CLTCL1: variants seen among roughly 807,000 people sequenced by gnomAD.
The protein encoded by CLTCL1 is clathrin heavy chain like 1.
In CLTCL1, 159 loss-of-function variants were observed where a neutral mutation model predicts 190.0. The ratio of observed to expected loss-of-function variants is 0.84; its 90% CI spans 0.74 to 0.95. The LOEUF (loss-of-function observed/expected upper bound fraction) is 0.95, where lower values mean the gene tolerates loss of function less well. CLTCL1 is among the 40% of genes least tolerant of loss of function. CLTCL1 has a pLI of 0.00. For synonymous variants in CLTCL1, 752 were observed against 769.6 expected (o/e 0.98, Z 0.38); for missense variants, 1,878 against 2,033.4 (o/e 0.92, Z 1.47).
intron 26 of CLTCL1, among the ~76,000 whole-genome samples, chr22:19,193,427 G>A (rs949053382): frequency 9.2e-5 from 14 of 152,120 alleles, no homozygotes; most frequent in South Asian, 4.1e-4. Context: ...CCTCTGGAGC[G>A]TCCTCCAGAT....
chr22:19,289,404 T>C (rs1339220588), intron 1 of CLTCL1, among the ~76,000 whole-genome samples: 1 of 152,206 alleles, frequency 6.6e-6, no homozygotes, highest in Non-Finnish European at 1.5e-5. Flanking sequence ...AGAGACAGAA[T>C]GTGGCCCTTA....
At chr22:19,239,487 TG>T (rs1242924231) in intron 4 of CLTCL1, 99 bp from the exon 5 acceptor site, 3 of 826,814 alleles carry the variant, frequency 3.6e-6, no homozygotes, top group Non-Finnish European at 6.3e-6. Flanking sequence ...CTCCACACAC[TG>T]GATGATTAAC....
intron 27 of CLTCL1, among the ~76,000 whole-genome samples, chr22:19,189,532 A>G (rs1467352334): frequency 1.3e-5 from 2 of 152,214 alleles, no homozygotes; most frequent in Non-Finnish European, 2.9e-5. Context: ...GCTCATCCCT[A>G]AGAAGCAGCT....
Position 19,222,692 on chromosome 22 carries a change from C to A in CLTCL1, c.2410G>T (p.Val804Leu), listed in dbSNP as rs782682932. 1 of 1,590,606 alleles carries A rather than the reference C, an allele frequency of 6.3e-7. No homozygotes were observed. Among genetic ancestry groups the A allele is most frequent in the Non-Finnish European group, 8.6e-7 (1 of 1,168,424 alleles). Residue 804 changes from valine to leucine, a missense_variant, in exon 15 of 33, where the codon GTG becomes TTG. Val to Leu is a conservative substitution (Grantham distance 32). Coordinates refer to ENST00000427926, the MANE Select transcript of CLTCL1 (RefSeq NM_007098.4). Reference protein sequence around the residue: ...NNLQRYIEIYVQKVNPSRTPA... With the variant: ...NNLQRYIEIYLQKVNPSRTPA... ...CAGGGAGCCAGCAGTACCTTCTGCACGTAGATCTCAATGTACCTCTGCAGG... is the reference window on the plus strand; with the variant it reads ...CAGGGAGCCAGCAGTACCTTCTGCAAGTAGATCTCAATGTACCTCTGCAGG...
chr22:19,223,811 C>T, intron 14 of CLTCL1, 80 bp downstream of exon 14: 1 of 1,555,968 alleles, frequency 6.4e-7, no homozygotes, highest in Non-Finnish European at 8.8e-7. Flanking sequence ...GCTTCCTGCC[C>T]CTGGGACGTC....
At chr22:19,191,738 A>G (rs2084513660) in intron 26 of CLTCL1, among the ~76,000 whole-genome samples, 1 of 152,118 alleles carries the variant, frequency 6.6e-6, no homozygotes, top group African/African-American at 2.4e-5. Context: ...ATGAAGTGTA[A>G]TCAGTCAGAA....
Position 19,229,886 on chromosome 22 carries a change from TCCCTCAGCTGGG to T in CLTCL1, c.1722_1733del (p.Pro575_Gly578del). The T allele has an allele frequency of 6.2e-7, 1 of 1,611,420 alleles. No homozygotes were observed. The highest frequency in any genetic ancestry group is 8.5e-7 in the Non-Finnish European group (1 of 1,178,992). On this transcript the variant is annotated inframe_deletion, in exon 11 of 33. Coordinates refer to ENST00000427926, the MANE Select transcript of CLTCL1 (RefSeq NM_007098.4). The stretch of plus-strand genomic sequence containing the variant: ...TCTCCAACAGCCATGTCTGCAGGAG[TCCCTCAGCTGGG>T]CGATTATTCTTCAAGGCATCCAATA...
chr22:19,202,087 C>T (rs2084905145), intron 22 of CLTCL1, among the ~76,000 whole-genome samples: 1 of 152,034 alleles, frequency 6.6e-6, no homozygotes, highest in Non-Finnish European at 1.5e-5. Context: ...AGCGCCTCAA[C>T]TCCACCAGTC....
At position 19,274,779 on chromosome 22, in the gene CLTCL1, G is replaced by T. The variant is rs541820872; in HGVS notation, c.250+844C>A. Among the ~76,000 whole-genome samples, 10 of 150,484 alleles carry T rather than the reference G, an allele frequency of 6.6e-5. 1 individual carries two copies. The highest frequency in any genetic ancestry group is 2.0e-4 in the Admixed American group (3 of 15,120). On this transcript the variant is annotated intron_variant, in intron 2 of 32. Transcript: ENST00000427926. ...ATTTTTGCTCTTGTTGTCCAGGCTG[G>T]AGTGCAATGGCGCGATCTCTGCTCA...
At chr22:19,206,434 G>A (rs1219231160) in intron 22 of CLTCL1, among the ~76,000 whole-genome samples, 1 of 151,874 alleles carries the variant, frequency 6.6e-6, no homozygotes, top group Non-Finnish European at 1.5e-5. Flanking sequence ...TGATAGAGAT[G>A]GGGGTCTCAC....
At chr22:19,201,276 G>C in intron 23 of CLTCL1, 53 bp downstream of exon 23, 1 of 1,548,360 alleles carries the variant, frequency 6.5e-7, no homozygotes, top group South Asian at 1.2e-5. Context: ...CAAAGGACAC[G>C]GAGAGCGTGC....
chr22:19,284,227 A>G (rs1419156182), intron 1 of CLTCL1, among the ~76,000 whole-genome samples: 2 of 151,978 alleles, frequency 1.3e-5, no homozygotes, highest in African/African-American at 4.8e-5. Flanking sequence ...GGACACCAAT[A>G]TTTTTTCTTT....
rs1248793008 is a variant in CLTCL1 at position 19,267,247 on chromosome 22, C to A, written c.250+8376G>T. On this transcript the variant is annotated intron_variant, in intron 2 of 32. Coordinates refer to ENST00000427926, the MANE Select transcript of CLTCL1 (RefSeq NM_007098.4). The stretch of plus-strand genomic sequence containing the variant: ...AATAACATAAAAAAAGAATAAAATA[C>A]TTGGGAATAAATTTAACAAAGAAGT... Among the ~76,000 whole-genome samples, 4 of 151,878 alleles carry A rather than the reference C, an allele frequency of 2.6e-5. 1 individual carries two copies. Among genetic ancestry groups the A allele is most frequent in the Non-Finnish European group, 5.9e-5 (4 of 67,994 alleles).
intron 2 of CLTCL1, chr22:19,258,154 C>A: frequency 2.8e-6 from 1 of 362,306 alleles, no homozygotes; most frequent in South Asian, 2.2e-5. Context: ...AGAAGCTGTT[C>A]TTCATGAAGA....
Position 19,254,176 on chromosome 22 carries a change from G to A in CLTCL1, c.302C>T (p.Ala101Val), listed in dbSNP as rs782491844. ...FNIEMKSKMKAHTMAEEVIFW... is the reference protein window; with the variant it reads ...FNIEMKSKMKVHTMAEEVIFW... Reference sequence around the variant, plus strand: ...AATCACTTCTTCTGCCATAGTATGAGCCTTCATTTTACTCTTCATCTCAAT... The same window carrying A: ...AATCACTTCTTCTGCCATAGTATGAACCTTCATTTTACTCTTCATCTCAAT... The change falls in exon 3 of 33, where the codon GCT (alanine) becomes GTT (valine). Residue 101 changes from alanine (A) to valine (V), a missense_variant. Transcript: ENST00000427926. 9 of 1,613,748 alleles carry A rather than the reference G, an allele frequency of 5.6e-6. No homozygotes were observed. The South Asian group carries it at 9.9e-5, about 18-fold the overall frequency.
In CLTCL1 at chr22:19,183,764, A is replaced by G. The variant is rs538945562; in HGVS notation, c.4606-153T>C. On this transcript the variant is annotated intron_variant, in intron 29 of 32. Transcript: ENST00000427926. ...TGGACCCATGGCTGGGCCATTCCCTATGCCCTGCTGCCCACTGGTGAAACG... is the reference window on the plus strand; with the variant it reads ...TGGACCCATGGCTGGGCCATTCCCTGTGCCCTGCTGCCCACTGGTGAAACG... 2.1e-4 allele frequency: 152 copies of G among 726,356 alleles called. No individual in the cohort carries two copies. In the African/African-American group the frequency reaches 2.4e-3, roughly 11 times the overall value. The allele number at this position is 726,356 out of a possible 1,614,324, so 45.0% of individuals were successfully genotyped here. A position where few individuals can be genotyped will look rare whatever the true frequency, so the allele number is the denominator to read the frequency against.
At chr22:19,259,722 A>G (rs2086882916) in intron 2 of CLTCL1, among the ~76,000 whole-genome samples, 1 of 152,068 alleles carries the variant, frequency 6.6e-6, no homozygotes. Context: ...AGGCCTCCTT[A>G]TTCCCTGAGA....
intron 18 of CLTCL1, among the ~76,000 whole-genome samples, chr22:19,216,645 TGCTGTGGCACAGTCCACAGCCAGA>T (rs1268984444): frequency 1.3e-5 from 2 of 152,228 alleles, no homozygotes; most frequent in Admixed American, 1.3e-4. Context: ...GCACTGCCAC[TGCTGTGGCACAGTCCACAGCCAGA>T]GCTGTGGAGC....
intron 2 of CLTCL1, chr22:19,257,605 T>C (rs1328155614): frequency 9.8e-6 from 4 of 406,904 alleles, no homozygotes; most frequent in Non-Finnish European, 1.9e-5. Flanking sequence ...AGTACCCGGT[T>C]GATCAGCAGT....
Sources: gnomAD v4.1 joint callset for allele counts (sites outside exome capture counted in the v4.1 genomes callset) on GRCh38, gnomAD v4.1.1 for gene constraint, MANE v1.5 for transcripts, NCBI Gene and HGNC (gene_info 2026-07-23, HGNC 2026-07-21) for gene names.